Variants in SOX5 observed in about 807,000 individuals in gnomAD.
The protein encoded by SOX5 is transcription factor SOX-5.
SOX5 carries 9 observed loss-of-function variants against 92.0 expected under a neutral mutation model. That is an observed-to-expected ratio of 0.10 (90% CI 0.06 to 0.17). The LOEUF is 0.17. Among genes scored for constraint, SOX5 ranks in the 10% least tolerant of loss-of-function variants. The pLI, the probability that SOX5 is intolerant of heterozygous loss-of-function variation, is 1.00. For missense variants in SOX5, 642 were observed against 944.5 expected (o/e 0.68, Z 4.20); for synonymous variants, 344 against 336.3 (o/e 1.02, Z -0.25).
At chr12:24,334,382 A>C (rs545243915) in intron 2 of SOX5, among the ~76,000 whole-genome samples, 1 of 152,152 alleles carries the variant, frequency 6.6e-6, no homozygotes, top group East Asian at 1.9e-4. Context: ...TATCCCCCAA[A>C]AAATAAACAA....
intron 1 of SOX5, among the ~76,000 whole-genome samples, chr12:24,559,130 A>G (rs1470861185): frequency 6.6e-6 from 1 of 152,248 alleles, no homozygotes; most frequent in Non-Finnish European, 1.5e-5. Flanking sequence ...TTCAGGATAT[A>G]GTTTATTTGA....
At chr12:24,468,629 A>G (rs888615381) in intron 1 of SOX5, among the ~76,000 whole-genome samples, 4 of 152,112 alleles carry the variant, frequency 2.6e-5, no homozygotes, top group African/African-American at 9.7e-5. Flanking sequence ...AAACTTTCCC[A>G]TTCCCATTCT....
At chr12:23,801,372 C>T (rs569847720) in intron 3 of SOX5, among the ~76,000 whole-genome samples, 2 of 152,188 alleles carry the variant, frequency 1.3e-5, no homozygotes, top group Admixed American at 1.3e-4. Flanking sequence ...ATCTTCCAAA[C>T]CCATTTAAAC....
chr12:24,198,968 T>C (rs1484369157), intron 4 of SOX5, among the ~76,000 whole-genome samples: 2 of 152,086 alleles, frequency 1.3e-5, no homozygotes, highest in African/African-American at 4.8e-5. Context: ...AGATATCCCA[T>C]GACAAACTAA....
chr12:23,938,819 C>T (rs1031088257), intron 1 of SOX5, among the ~76,000 whole-genome samples: 12 of 150,952 alleles, frequency 7.9e-5, no homozygotes, highest in African/African-American at 2.9e-4. Flanking sequence ...ATCATAAGTA[C>T]ATTTAAAACA....
Position 23,563,314 on chromosome 12 carries a change from C to T in SOX5, c.1432G>A (p.Asp478Asn), listed in dbSNP as rs756720650. 7 of 1,613,980 alleles carry T rather than the reference C, an allele frequency of 4.3e-6. No individual in the cohort carries two copies. The highest frequency in any genetic ancestry group is 5.9e-6 in the Non-Finnish European group (7 of 1,179,942). ...CTATTCACAACAGCCACCTTCCCAT[C>T]AAGCACCTGTTGTTCCCGTCGGAGT... is the stretch of plus-strand genomic sequence containing the variant. ...EQLRREQQVL[D>N]GKVAVVNSLG... The change falls in exon 11 of 15, where the codon GAT becomes AAT. Residue 478 changes from aspartate (D) to asparagine (N), a missense_variant. This residue lies in a region of SOX5 where 324 missense variants were observed against 461.6 expected (regional missense o/e 0.70). Transcript: ENST00000451604.
At chr12:23,974,684 G>C (rs951591619) in intron 4 of SOX5, among the ~76,000 whole-genome samples, 1 of 152,100 alleles carries the variant, frequency 6.6e-6, no homozygotes, top group African/African-American at 2.4e-5. Context: ...GAATCATCTT[G>C]CAAGAAAATA....
At chr12:23,713,621 A>G (rs2092250231) in intron 6 of SOX5, among the ~76,000 whole-genome samples, 1 of 150,840 alleles carries the variant, frequency 6.6e-6, no homozygotes, top group East Asian at 1.9e-4. Context: ...TATTAATATA[A>G]GGGAAATATA....
chr12:23,825,394 TG>T (rs1293697989), intron 3 of SOX5, among the ~76,000 whole-genome samples: 1 of 152,178 alleles, frequency 6.6e-6, no homozygotes, highest in African/African-American at 2.4e-5. Context: ...TCACCCTCCG[TG>T]GGGTGCACCC....
chr12:24,510,094 A>T (rs1949172484), intron 1 of SOX5, among the ~76,000 whole-genome samples: 1 of 152,230 alleles, frequency 6.6e-6, no homozygotes. Context: ...ACTACATCAG[A>T]TAAATTATTC....
intron 4 of SOX5, among the ~76,000 whole-genome samples, chr12:24,189,566 T>C (rs983425629): frequency 1.3e-5 from 2 of 152,196 alleles, no homozygotes; most frequent in African/African-American, 4.8e-5. Flanking sequence ...CATCCAATTA[T>C]TTCTCAGTGG....
intron 2 of SOX5, among the ~76,000 whole-genome samples, chr12:24,335,974 T>TATATATATATATATATATATATATATAC (rs1555235780): frequency 7.2e-6 from 1 of 138,032 alleles, no homozygotes; most frequent in Non-Finnish European, 1.6e-5. Flanking sequence ...AATGCTATCA[T>TATATATATATATATATATATATATATAC]ATATATATAT....
chr12:24,080,377 TTAAC>T (rs1408922902), intron 4 of SOX5, among the ~76,000 whole-genome samples: 2 of 152,000 alleles, frequency 1.3e-5, no homozygotes, highest in Non-Finnish European at 2.9e-5. Flanking sequence ...AAATTTGACA[TTAAC>T]TAAGTGCCAC....
chr12:24,433,641 C>A (rs1754894999), intron 1 of SOX5, among the ~76,000 whole-genome samples: 1 of 152,184 alleles, frequency 6.6e-6, no homozygotes, highest in Non-Finnish European at 1.5e-5. Flanking sequence ...GAAAACACAG[C>A]AGCACTCCTC....
chr12:23,734,873 C>T, intron 5 of SOX5, 121 bp from the exon 6 acceptor site: 1 of 672,560 alleles, frequency 1.5e-6, no homozygotes, highest in Non-Finnish European at 2.6e-6. Flanking sequence ...ATAGACGTGT[C>T]TGTGCTCCTA....
At chr12:23,768,821 G>A (rs1474026648) in intron 3 of SOX5, among the ~76,000 whole-genome samples, 1 of 152,016 alleles carries the variant, frequency 6.6e-6, no homozygotes, top group African/African-American at 2.4e-5. Context: ...AACACTGAAA[G>A]CTGTATTATC....
At chr12:23,964,726 G>A (rs375760906) in intron 4 of SOX5, among the ~76,000 whole-genome samples, 21 of 152,090 alleles carry the variant, frequency 1.4e-4, no homozygotes, top group African/African-American at 5.1e-4. Flanking sequence ...ATCTAAAATC[G>A]AGCAGTAATG....
At chr12:24,246,788 C>T (rs901299351) in intron 3 of SOX5, among the ~76,000 whole-genome samples, 2 of 152,114 alleles carry the variant, frequency 1.3e-5, no homozygotes, top group Non-Finnish European at 1.5e-5. Context: ...GTTGATACTG[C>T]TCTCAATTAT....
intron 2 of SOX5, among the ~76,000 whole-genome samples, chr12:24,339,986 C>G (rs149752180): frequency 3.2e-4 from 48 of 152,306 alleles, no homozygotes; most frequent in Non-Finnish European, 5.6e-4. Flanking sequence ...TGCTAGCATG[C>G]TAGGGTGGCT....
Sources: gnomAD v4.1 joint callset for allele counts (sites outside exome capture counted in the v4.1 genomes callset) on GRCh38, gnomAD v4.1.1 for gene constraint, gnomAD v4.1.1 regional missense constraint, MANE v1.5 for transcripts, NCBI Gene and HGNC (gene_info 2026-07-23, HGNC 2026-07-21) for gene names.